The following IMMP2L variants were observed in gnomAD, a reference collection of about 807,000 sequenced individuals.
IMMP2L encodes the protein mitochondrial inner membrane protease subunit 2.
Under a neutral mutation model 19.3 loss-of-function variants are expected in IMMP2L, and 18 were observed. The observed-to-expected ratio is 0.93, with a 90% CI of 0.64 to 1.38. The LOEUF (loss-of-function observed/expected upper bound fraction) is 1.38, where lower values mean the gene tolerates loss of function less well. Among genes scored for constraint, IMMP2L ranks in the 40% most tolerant of loss-of-function variants. The pLI is 0.00. For missense variants in IMMP2L, 233 were observed against 218.2 expected (o/e 1.07, Z -0.43); for synonymous variants, 76 against 73.0 (o/e 1.04, Z -0.21).
intron 4 of IMMP2L, among the ~76,000 whole-genome samples, chr7:110,908,004 G>T (rs1315609256): frequency 6.6e-6 from 1 of 152,120 alleles, no homozygotes; most frequent in Admixed American, 6.5e-5. Context: ...TGAGCAAGAG[G>T]GAGGAGTTAA....
chr7:110,846,512 C>T (rs990773737), intron 5 of IMMP2L, among the ~76,000 whole-genome samples: 10 of 151,832 alleles, frequency 6.6e-5, no homozygotes, highest in African/African-American at 2.4e-4. Context: ...ACTACTGGCG[C>T]CTGCCACCAC....
At chr7:111,302,501 ACT>A (rs1267096165) in intron 3 of IMMP2L, among the ~76,000 whole-genome samples, 2 of 151,966 alleles carry the variant, frequency 1.3e-5, no homozygotes, top group Non-Finnish European at 2.9e-5. Flanking sequence ...TCTTTCGATA[ACT>A]CTGTGTGTGT....
chr7:110,703,573 A>T (rs1794439286), intron 5 of IMMP2L, among the ~76,000 whole-genome samples: 2 of 152,276 alleles, frequency 1.3e-5, no homozygotes, highest in African/African-American at 4.8e-5. Flanking sequence ...TTTAAAATAG[A>T]TAAATATACA....
intron 3 of IMMP2L, among the ~76,000 whole-genome samples, chr7:111,335,406 T>C (rs939815577): frequency 1.3e-5 from 2 of 151,770 alleles, no homozygotes; most frequent in African/African-American, 4.8e-5. Context: ...AAATGGCAAA[T>C]GGACAGGGAG....
chr7:111,206,710 C>T (rs1810749365), intron 3 of IMMP2L, among the ~76,000 whole-genome samples: 1 of 152,128 alleles, frequency 6.6e-6, no homozygotes, highest in Admixed American at 6.5e-5. Context: ...TAACTACAGT[C>T]ACTCTATTGT....
At chr7:111,305,018 G>C (rs1822707220) in intron 3 of IMMP2L, among the ~76,000 whole-genome samples, 1 of 152,006 alleles carries the variant, frequency 6.6e-6, no homozygotes, top group African/African-American at 2.4e-5. Flanking sequence ...TTTAGTTGAT[G>C]ACAGGAAGTG....
rs1040372218 is a variant in IMMP2L, at chr7:111,270,725, C to T, written c.239+216513G>A. Among the ~76,000 whole-genome samples, 32 of 152,022 alleles carry T rather than the reference C, an allele frequency of 2.1e-4. 1 individual carries two copies. The highest frequency in any genetic ancestry group is 6.3e-4 in the African/African-American group (26 of 41,394). On this transcript the variant is annotated intron_variant, in intron 3 of 5. Transcript: ENST00000405709. ...ATATTTCAATAATTTATGAACGGTA[C>T]GTTTGAACTGAAAAGACCTCCATCT...
In IMMP2L at chr7:111,562,126, G is replaced by T. The variant is rs1175777974; in HGVS notation, c.-278C>A. On this transcript the variant is annotated 5_prime_UTR_variant, in exon 1 of 6. Transcript: ENST00000405709. Reference sequence around the variant, plus strand: ...GTTGTTGGGGCGCCGGCTCGGCGGGGAGGAGCGGGCCAGCTCCGGGCCAGG... The same window carrying T: ...GTTGTTGGGGCGCCGGCTCGGCGGGTAGGAGCGGGCCAGCTCCGGGCCAGG... The T allele has an allele frequency of 3.9e-5, 6 of 152,780 alleles. No individual in the cohort carries two copies. Among genetic ancestry groups the T allele is most frequent in the East Asian group, 3.9e-4 (2 of 5,146 alleles). 9.5% of individuals were successfully genotyped at this position (152,780 alleles called of 1,614,324 possible). A position where few individuals can be genotyped will look rare whatever the true frequency, so the allele number is the denominator to read the frequency against.
chr7:111,490,605 T>C (rs1462915752), intron 2 of IMMP2L, among the ~76,000 whole-genome samples: 1 of 151,828 alleles, frequency 6.6e-6, no homozygotes, highest in Non-Finnish European at 1.5e-5. Context: ...CCAATCATTA[T>C]GTAACTCATG....
At chr7:111,495,740 A>AT (rs1843536597) in intron 2 of IMMP2L, among the ~76,000 whole-genome samples, 1 of 152,154 alleles carries the variant, frequency 6.6e-6, no homozygotes, top group Non-Finnish European at 1.5e-5. Context: ...TTTTTTATTC[A>AT]TTTTTTAATT....
At chr7:111,326,875 T>C (rs1002705739) in intron 3 of IMMP2L, among the ~76,000 whole-genome samples, 5 of 151,830 alleles carry the variant, frequency 3.3e-5, no homozygotes, top group Non-Finnish European at 5.9e-5. Context: ...TATTTCAAAA[T>C]AACTGAAATC....
chr7:110,818,156 T>C (rs1387627286), intron 5 of IMMP2L, among the ~76,000 whole-genome samples: 36 of 152,052 alleles, frequency 2.4e-4, no homozygotes, highest in African/African-American at 3.1e-4. Context: ...CAAAAGAAAC[T>C]ACCATCAGAG....
At chr7:110,749,108 A>G (rs569595135) in intron 5 of IMMP2L, among the ~76,000 whole-genome samples, 40 of 152,338 alleles carry the variant, frequency 2.6e-4, no homozygotes, top group Admixed American at 2.5e-3. Flanking sequence ...CACTTCTCAA[A>G]AGAAGACATT....
At chr7:111,054,468 A>G (rs1321057722) in intron 3 of IMMP2L, among the ~76,000 whole-genome samples, 1 of 152,232 alleles carries the variant, frequency 6.6e-6, no homozygotes, top group Non-Finnish European at 1.5e-5. Flanking sequence ...AATGTACCCA[A>G]GAAATGTCAA....
chr7:111,024,508 T>C (rs964517980), intron 3 of IMMP2L, among the ~76,000 whole-genome samples: 1 of 152,186 alleles, frequency 6.6e-6, no homozygotes, highest in South Asian at 2.1e-4. Context: ...CTTTCTATGC[T>C]GCATCTTGAA....
chr7:111,135,891 A>AT, intron 3 of IMMP2L, among the ~76,000 whole-genome samples: 2 of 152,034 alleles, frequency 1.3e-5, no homozygotes, highest in African/African-American at 4.8e-5. Context: ...ATCATCAAAG[A>AT]CCTCTTATCT....
intron 5 of IMMP2L, among the ~76,000 whole-genome samples, chr7:110,751,676 A>G (rs1797727657): frequency 1.3e-5 from 2 of 152,030 alleles, no homozygotes; most frequent in African/African-American, 2.4e-5. Context: ...AAATTCTAAT[A>G]TTTAATGACT....
At chr7:111,324,880 A>G (rs1325557883) in intron 3 of IMMP2L, among the ~76,000 whole-genome samples, 3 of 151,878 alleles carry the variant, frequency 2.0e-5, no homozygotes, top group Non-Finnish European at 4.4e-5. Context: ...ACAACTGCTC[A>G]ACATTTGGTT....
At chr7:111,482,801 G>A (rs893039564) in intron 3 of IMMP2L, among the ~76,000 whole-genome samples, 20 of 152,126 alleles carry the variant, frequency 1.3e-4, no homozygotes, top group South Asian at 8.3e-4. Flanking sequence ...TGCCATTAAC[G>A]TTAGTGCTTC....
Sources: allele counts gnomAD v4.1 joint callset (sites outside exome capture counted in the v4.1 genomes callset), GRCh38; gene constraint gnomAD v4.1.1; transcripts MANE v1.5; gene names NCBI Gene and HGNC (gene_info 2026-07-23, HGNC 2026-07-21).